CNTNAP2: variants seen among roughly 807,000 people sequenced by gnomAD.
CNTNAP2 encodes contactin-associated protein-like 2.
In CNTNAP2, 98 loss-of-function variants were observed where a neutral mutation model predicts 155.2. The ratio of observed to expected loss-of-function variants is 0.63; its 90% CI spans 0.54 to 0.75. CNTNAP2 has a LOEUF of 0.75. Among genes scored for constraint, CNTNAP2 ranks in the 30% least tolerant of loss-of-function variants. CNTNAP2 has a pLI of 0.00. For synonymous variants in CNTNAP2, 651 were observed against 631.2 expected (o/e 1.03, Z -0.47); for missense variants, 1,727 against 1,688.1 (o/e 1.02, Z -0.40).
At chr7:147,026,755 G>A (rs1798928824) in intron 3 of CNTNAP2, among the ~76,000 whole-genome samples, 2 of 151,420 alleles carry the variant, frequency 1.3e-5, no homozygotes, top group African/African-American at 4.8e-5. Context: ...TAAGCTAATG[G>A]CTATTAAGAC....
At chr7:146,606,320 A>G (rs1290282953) in intron 1 of CNTNAP2, among the ~76,000 whole-genome samples, 3 of 152,220 alleles carry the variant, frequency 2.0e-5, no homozygotes, top group Admixed American at 6.5e-5. Context: ...AATATAATAC[A>G]AGTATTACAT....
At chr7:147,378,279 T>C (rs1438877848) in intron 9 of CNTNAP2, among the ~76,000 whole-genome samples, 1 of 152,022 alleles carries the variant, frequency 6.6e-6, no homozygotes, top group Non-Finnish European at 1.5e-5. Context: ...GGTTTTTTTC[T>C]TTAAAAAAAT....
intron 8 of CNTNAP2, among the ~76,000 whole-genome samples, chr7:147,287,011 G>T (rs749877759): frequency 2.0e-5 from 3 of 152,094 alleles, no homozygotes; most frequent in Non-Finnish European, 2.9e-5. Flanking sequence ...AAAATATTCA[G>T]TGACACTTGT....
At chr7:146,703,265 A>G (rs1800907629) in intron 1 of CNTNAP2, among the ~76,000 whole-genome samples, 2 of 152,154 alleles carry the variant, frequency 1.3e-5, no homozygotes, top group African/African-American at 2.4e-5. Flanking sequence ...AATAGCTACA[A>G]TAGCCATTTC....
At chr7:147,992,381 G>C (rs1801727018) in intron 15 of CNTNAP2, among the ~76,000 whole-genome samples, 1 of 151,926 alleles carries the variant, frequency 6.6e-6, no homozygotes. Flanking sequence ...CAAAGTGCTG[G>C]GATTACAGGT....
chr7:147,684,807 AAG>A (rs1795994330), intron 13 of CNTNAP2, among the ~76,000 whole-genome samples: 1 of 151,986 alleles, frequency 6.6e-6, no homozygotes, highest in Admixed American at 6.6e-5. Context: ...TTTTTAACAA[AAG>A]AAAAAATATA....
At chr7:147,505,121 C>G (rs1528518) in intron 11 of CNTNAP2, among the ~76,000 whole-genome samples, 77,587 of 151,802 alleles carry the variant, frequency 0.51, 20,447 homozygotes, top group Non-Finnish European at 0.57. Flanking sequence ...AAAGCTCACT[C>G]CGGGCCCCTG....
intron 13 of CNTNAP2, among the ~76,000 whole-genome samples, chr7:147,900,215 G>A (rs6972812): frequency 0.31 from 47,333 of 151,798 alleles, 7,490 homozygotes; most frequent in Middle Eastern, 0.43. Flanking sequence ...TCTCTGGTAC[G>A]GTTTGGCTGT....
At chr7:146,943,947 ATAGTT>A (rs1298223820) in intron 3 of CNTNAP2, among the ~76,000 whole-genome samples, 1 of 152,206 alleles carries the variant, frequency 6.6e-6, no homozygotes, top group Non-Finnish European at 1.5e-5. Context: ...AGTTATTACT[ATAGTT>A]TAATTTGTAC....
At chr7:146,927,157 G>T (rs1028573232) in intron 3 of CNTNAP2, among the ~76,000 whole-genome samples, 1 of 152,114 alleles carries the variant, frequency 6.6e-6, no homozygotes, top group African/African-American at 2.4e-5. Flanking sequence ...TCTGTTTACT[G>T]GGAAGGGCAA....
intron 13 of CNTNAP2, among the ~76,000 whole-genome samples, chr7:147,642,011 C>CGTGTGT (rs3053478): frequency 0.059 from 8,854 of 149,662 alleles, 277 homozygotes; most frequent in Non-Finnish European, 0.072. Flanking sequence ...TGTGTGTGTG[C>CGTGTGT]GTGTGTGTGT....
At chr7:147,627,287 A>C (rs530003724) in intron 12 of CNTNAP2, among the ~76,000 whole-genome samples, 1 of 152,338 alleles carries the variant, frequency 6.6e-6, no homozygotes, top group Admixed American at 6.5e-5. Flanking sequence ...AGATCATACC[A>C]GCTCCCCAGC....
intron 1 of CNTNAP2, among the ~76,000 whole-genome samples, chr7:146,335,852 ACT>A (rs1273648228): frequency 1.3e-5 from 2 of 152,050 alleles, no homozygotes; most frequent in Non-Finnish European, 2.9e-5. Context: ...GAAGAGGGAG[ACT>A]CTATTCCTTA....
chr7:148,010,661 GTTT>G (rs34165242), intron 15 of CNTNAP2, among the ~76,000 whole-genome samples: 9,966 of 149,070 alleles, frequency 0.067, 741 homozygotes, highest in African/African-American at 0.19. Flanking sequence ...ATACATCAAG[GTTT>G]TTTTTTTTTT....
At chr7:147,634,903 T>G (rs1795150871) in intron 12 of CNTNAP2, among the ~76,000 whole-genome samples, 1 of 152,140 alleles carries the variant, frequency 6.6e-6, no homozygotes. Flanking sequence ...CTCCCGCTTC[T>G]TCCTATTCTT....
intron 12 of CNTNAP2, among the ~76,000 whole-genome samples, chr7:147,608,447 G>C (rs1801115508): frequency 6.6e-6 from 1 of 151,640 alleles, no homozygotes; most frequent in Admixed American, 6.6e-5. Flanking sequence ...ATAACCCCAT[G>C]AACTACATTT....
chr7:146,379,196 A>G lies in CNTNAP2; in HGVS notation c.97+262223A>G, dbSNP rs554295314. ...CAGAATGGGTGCCTCTTTCCTGGGT[A>G]TGTTTTCTCAGTGAAGAGTAAAGGT... On this transcript the variant is annotated intron_variant, in intron 1 of 23. Coordinates refer to ENST00000361727, the MANE Select transcript of CNTNAP2 (RefSeq NM_014141.6). 1.1e-3 allele frequency among the ~76,000 whole-genome samples: 163 copies of G among 152,314 alleles called. 3 individuals carry two copies. In the South Asian group the frequency reaches 0.032, roughly 30 times the overall value.
chr7:148,019,171 T>A (rs776030112), intron 15 of CNTNAP2, among the ~76,000 whole-genome samples: 2 of 152,210 alleles, frequency 1.3e-5, no homozygotes, highest in Non-Finnish European at 2.9e-5. Context: ...GAATTCCCAC[T>A]GCATTTTCTT....
At chr7:147,060,583 G>A (rs1563061297) in intron 4 of CNTNAP2, among the ~76,000 whole-genome samples, 1 of 152,096 alleles carries the variant, frequency 6.6e-6, no homozygotes, top group Non-Finnish European at 1.5e-5. Context: ...AATATCTGGG[G>A]CCGGGCGCGG....
Sources: allele counts gnomAD v4.1 joint callset (sites outside exome capture counted in the v4.1 genomes callset), GRCh38; gene constraint gnomAD v4.1.1; transcripts MANE v1.5; gene names NCBI Gene and HGNC (gene_info 2026-07-23, HGNC 2026-07-21).